The following FANCD2 variants were observed in gnomAD, a reference collection of about 807,000 sequenced individuals.
FANCD2 encodes Fanconi anemia group D2 protein.
FANCD2 carries 131 observed loss-of-function variants against 192.3 expected under a neutral mutation model. The ratio of observed to expected loss-of-function variants is 0.68; its 90% CI spans 0.59 to 0.79. The LOEUF (loss-of-function observed/expected upper bound fraction) is 0.79. Ranked by LOEUF, FANCD2 falls within the 30% of genes least tolerant of loss-of-function variation. The pLI, the probability that FANCD2 is intolerant of heterozygous loss-of-function variation, is 0.00. For missense variants in FANCD2, 1,508 were observed against 1,701.6 expected, an observed-to-expected ratio of 0.89 and a Z score of 2.00; for synonymous variants, 524 against 612.5, an observed-to-expected ratio of 0.86 and a Z score of 2.13.
chr3:10,098,763 A>G lies in FANCD2; in HGVS notation c.4229A>G (p.Asp1410Gly). The stretch of plus-strand genomic sequence containing the variant: ...CAAAATTCCCAGGAGAGCACAGCAG[A>G]TGAGAGTGAGGATGACATGTCATCC... ...KSQNSQESTA[D>G]ESEDDMSSQA... Residue 1410 changes from aspartate to glycine, a missense_variant, in exon 43 of 44, where the codon GAT (aspartate) becomes GGT (glycine). By Grantham distance (94) the Asp-to-Gly change is moderately conservative. Coordinates refer to ENST00000675286, the MANE Select transcript of FANCD2 (RefSeq NM_001018115.3). 1 of 1,614,196 alleles carries G rather than the reference A, an allele frequency of 6.2e-7. No homozygotes were observed. Among genetic ancestry groups the G allele is most frequent in the Non-Finnish European group, 8.5e-7 (1 of 1,180,024 alleles).
At chr3:10,046,179 C>T (rs2087002842) in intron 14 of FANCD2, among the ~76,000 whole-genome samples, 1 of 151,836 alleles carries the variant, frequency 6.6e-6, no homozygotes, top group Non-Finnish European at 1.5e-5. Flanking sequence ...TCAGCCTCCC[C>T]AGCAGCTGGG....
chr3:10,041,296 C>G (rs2086858339), intron 9 of FANCD2: 1 of 307,876 alleles, frequency 3.2e-6, no homozygotes, highest in Admixed American at 4.8e-5. Context: ...TCATACTTAT[C>G]AGATTTCATT....
intron 18 of FANCD2, among the ~76,000 whole-genome samples, chr3:10,053,040 A>G (rs1286943031): frequency 7.0e-6 from 1 of 142,096 alleles, no homozygotes. Context: ...ATATACCCAA[A>G]GGACTATAAA....
intron 18 of FANCD2, among the ~76,000 whole-genome samples, chr3:10,055,135 T>C (rs2087371459): frequency 6.6e-6 from 1 of 152,210 alleles, no homozygotes; most frequent in Admixed American, 6.5e-5. Context: ...ACTACTTCAC[T>C]ATTTTATTTT....
intron 9 of FANCD2, 31 bp from the exon 10 acceptor site, chr3:10,041,592 T>A: frequency 6.8e-7 from 1 of 1,464,282 alleles, no homozygotes; most frequent in Non-Finnish European, 9.6e-7. Flanking sequence ...CAAACCATTA[T>A]ACAACTTTTT....
At chr3:10,038,856 C>T (rs918190659) in intron 7 of FANCD2, among the ~76,000 whole-genome samples, 1 of 152,202 alleles carries the variant, frequency 6.6e-6, no homozygotes, top group Non-Finnish European at 1.5e-5. Context: ...GCTGGGATTA[C>T]AGGCATGAGC....
At chr3:10,085,015 G>C (rs1056882146) in intron 32 of FANCD2, among the ~76,000 whole-genome samples, 1 of 152,196 alleles carries the variant, frequency 6.6e-6, no homozygotes, top group Non-Finnish European at 1.5e-5. Flanking sequence ...GGCTTGGAAA[G>C]GAAGGGACAA....
At chr3:10,039,019 G>A (rs1279340572) in intron 7 of FANCD2, among the ~76,000 whole-genome samples, 2 of 152,134 alleles carry the variant, frequency 1.3e-5, no homozygotes, top group African/African-American at 4.8e-5. Flanking sequence ...GTCTAGCCCT[G>A]TCATCCCTTC....
chr3:10,047,466 A>G (rs1264499729), intron 15 of FANCD2, among the ~76,000 whole-genome samples: 1 of 152,304 alleles, frequency 6.6e-6, no homozygotes, highest in African/African-American at 2.4e-5. Flanking sequence ...GTCTATGTAC[A>G]TTGAATTATT....
chr3:10,088,406 C>A, intron 34 of FANCD2, 43 bp from the exon 35 acceptor site: 5 of 1,174,472 alleles, frequency 4.3e-6, no homozygotes, highest in South Asian at 1.2e-5. Context: ...AGAATGAGGT[C>A]AAGTTCCCAT....
rs374269022 is a variant in FANCD2 at position 10,044,030 on chromosome 3, G to C, written c.1134+166G>C. ...CTGTCTGGGGAAGATAATCTGAGGT[G>C]GCGACTGGCCAGATAGCCTGCCCCT... On this transcript the variant is annotated intron_variant, in intron 14 of 43. Coordinates refer to ENST00000675286, the MANE Select transcript of FANCD2 (RefSeq NM_001018115.3). 2.6e-5 allele frequency among the ~76,000 whole-genome samples: 4 copies of C among 152,156 alleles called. No homozygotes were observed. In the East Asian group the frequency reaches 7.7e-4, roughly 29 times the overall value.
chr3:10,096,581 T>G (rs936429861), intron 42 of FANCD2, 109 bp downstream of exon 42: 2 of 1,017,378 alleles, frequency 2.0e-6, no homozygotes, highest in Admixed American at 3.6e-5. Flanking sequence ...GTAAGGCTAC[T>G]TTTCTCTTAA....
At chr3:10,099,162 A>C in intron 43 of FANCD2, 2 of 1,437,814 alleles carry the variant, frequency 1.4e-6, no homozygotes, top group Non-Finnish European at 1.8e-6. Context: ...AATGAGTTAA[A>C]CCATTTAAAC....
At chr3:10,047,493 TTC>T (rs1454122484) in intron 15 of FANCD2, among the ~76,000 whole-genome samples, 6 of 152,294 alleles carry the variant, frequency 3.9e-5, no homozygotes, top group African/African-American at 1.4e-4. Context: ...TTATGATCAC[TTC>T]TCTTCTTGAT....
At chr3:10,061,682 GAAAAAGA>G (rs879755994) in intron 19 of FANCD2, among the ~76,000 whole-genome samples, 159 of 151,744 alleles carry the variant, frequency 1.0e-3, no homozygotes, top group African/African-American at 3.7e-3. Context: ...AAATATGTAC[GAAAAAGA>G]AAAAAGAAAA....
At chr3:10,051,417 G>A (rs1415108951) in intron 17 of FANCD2, among the ~76,000 whole-genome samples, 1,140 of 8,396 alleles carry the variant, frequency 0.14, 120 homozygotes, top group African/African-American at 0.24. Context: ...ACAAAAAGGA[G>A]TGAGGGATTT....
intron 17 of FANCD2, among the ~76,000 whole-genome samples, chr3:10,051,424 A>C (rs2087212542): frequency 1.0e-3 from 1 of 982 alleles, no homozygotes; most frequent in African/African-American, 3.1e-3. Context: ...GGAGTGAGGG[A>C]TTTATCTCCC....
intron 8 of FANCD2, among the ~76,000 whole-genome samples, 175 bp from the exon 9 acceptor site, chr3:10,039,546 A>G (rs2086811749): frequency 6.6e-6 from 1 of 152,224 alleles, no homozygotes; most frequent in South Asian, 2.1e-4. Context: ...TTAAATACGA[A>G]GAGTAGATAT....
At chr3:10,087,104 C>T (rs755009168) in intron 33 of FANCD2, 30 bp from the exon 34 acceptor site, 5 of 1,612,700 alleles carry the variant, frequency 3.1e-6, no homozygotes, top group Non-Finnish European at 3.4e-6. Context: ...GATACTATTG[C>T]ATTTGTTTGT....
Sources: allele counts gnomAD v4.1 joint callset (sites outside exome capture counted in the v4.1 genomes callset), GRCh38; gene constraint gnomAD v4.1.1; transcripts MANE v1.5; gene names NCBI Gene and HGNC (gene_info 2026-07-23, HGNC 2026-07-21).